Variants in STKLD1 observed in about 807,000 individuals in gnomAD.
STKLD1 encodes the protein serine/threonine kinase like domain containing 1, also known as serine/threonine kinase-like domain-containing protein STKLD1.
STKLD1 carries 79 observed loss-of-function variants against 80.4 expected under a neutral mutation model. The observed-to-expected ratio is 0.98, with a 90% CI of 0.82 to 1.19. The LOEUF (loss-of-function observed/expected upper bound fraction) is 1.19, where lower values mean the gene tolerates loss of function less well. STKLD1 is among the 50% of genes most tolerant of loss of function. The probability of loss-of-function intolerance (pLI) is 0.00; values close to 1 mark genes in which losing one functional copy is unlikely to be tolerated. For missense variants in STKLD1, 841 were observed against 856.0 expected (o/e 0.98, Z 0.22); for synonymous variants, 393 against 357.6 (o/e 1.10, Z -1.12).
At chr9:133,391,870 AGGAC>A (rs1488540634) in intron 7 of STKLD1, among the ~76,000 whole-genome samples, 8 of 151,698 alleles carry the variant, frequency 5.3e-5, no homozygotes, top group Admixed American at 5.2e-4. Context: ...GAAAATGCCC[AGGAC>A]GGAGGGTCTG....
Position 133,403,900 on chromosome 9 carries a change from A to G in STKLD1, c.1604-20A>G. On this transcript the variant is annotated intron_variant, in intron 15 of 17. Coordinates refer to ENST00000371957, the MANE Select transcript of STKLD1 (RefSeq NM_153710.5). ...CCTCATGGCACAGCAGGCACAAGGC[A>G]GCCCGGCCCCTTTCTGCAGGCTGCA... 2 of 1,607,188 alleles carry G rather than the reference A, an allele frequency of 1.2e-6. No homozygotes were observed. The highest frequency in any genetic ancestry group is 1.7e-6 in the Non-Finnish European group (2 of 1,175,886).
intron 11 of STKLD1, among the ~76,000 whole-genome samples, chr9:133,399,077 C>T (rs147398440): frequency 0.012 from 1,868 of 152,308 alleles, 25 homozygotes; most frequent in African/African-American, 0.035. Context: ...TGGTCTCAAA[C>T]GCCTGATCTC....
At chr9:133,396,059 T>TA (rs71503342) in intron 9 of STKLD1, 2,162 of 203,954 alleles carry the variant, frequency 0.011, no homozygotes, top group East Asian at 0.02. Flanking sequence ...TCATTCTACA[T>TA]AAAAAAAAAA....
In STKLD1 at chr9:133,395,710, G is replaced by C. The variant is rs1007951338; in HGVS notation, c.813G>C (p.Arg271Ser). 1.2e-6 allele frequency: 2 copies of C among 1,613,538 alleles called. No homozygotes were observed. The highest frequency in any genetic ancestry group is 1.7e-6 in the Non-Finnish European group (2 of 1,180,022). The change falls in exon 9 of 18, where the codon AGG becomes AGC. Residue 271 changes from arginine (R) to serine (S), a missense_variant. Coordinates refer to ENST00000371957, the MANE Select transcript of STKLD1 (RefSeq NM_153710.5). ...EKQIPDVETF[R>S]NLLPLMLQID... ...AGATCCCGGATGTGGAAACCTTCAGGAATCTTCTGCCCTTGATGCTCCAGA... is the reference window on the plus strand; with the variant it reads ...AGATCCCGGATGTGGAAACCTTCAGCAATCTTCTGCCCTTGATGCTCCAGA...
intron 9 of STKLD1, 134 bp downstream of exon 9, chr9:133,395,897 A>C (rs1554776672): frequency 7.5e-6 from 7 of 929,206 alleles, no homozygotes. Flanking sequence ...TTATCCCTGC[A>C]CAGCTGGGCT....
At chr9:133,403,651 C>T (rs1564385709) in intron 14 of STKLD1, 49 bp from the exon 15 acceptor site, 2 of 1,589,494 alleles carry the variant, frequency 1.3e-6, no homozygotes, top group Non-Finnish European at 8.6e-7. Flanking sequence ...GGCCCCCCTG[C>T]ACACACCCAA....
chr9:133,388,384 A>C (rs1356261698), intron 5 of STKLD1, among the ~76,000 whole-genome samples: 1 of 152,102 alleles, frequency 6.6e-6, no homozygotes, highest in Non-Finnish European at 1.5e-5. Flanking sequence ...AGTAGCTGGG[A>C]CTACAGGTGC....
chr9:133,392,675 G>A, intron 7 of STKLD1, among the ~76,000 whole-genome samples: 1 of 126,284 alleles, frequency 7.9e-6, no homozygotes, highest in Non-Finnish European at 1.6e-5. Context: ...GGGTGGGTGA[G>A]TGGATGGGTG....
intron 16 of STKLD1, among the ~76,000 whole-genome samples, chr9:133,404,560 GACA>G (rs1358312386): frequency 1.3e-5 from 2 of 152,180 alleles, no homozygotes; most frequent in Non-Finnish European, 2.9e-5. Flanking sequence ...TCCCCAGAGT[GACA>G]ACGACCCCTT....
At chr9:133,391,199 C>G (rs1354137327) in intron 7 of STKLD1, among the ~76,000 whole-genome samples, 3 of 149,196 alleles carry the variant, frequency 2.0e-5, no homozygotes, top group Admixed American at 1.3e-4. Context: ...GGGGCTCAGC[C>G]CCCCCGCCCA....
intron 2 of STKLD1, among the ~76,000 whole-genome samples, chr9:133,383,192 G>A (rs2119209965): frequency 6.6e-6 from 1 of 150,694 alleles, no homozygotes; most frequent in East Asian, 2.0e-4. Flanking sequence ...TGATGATGGT[G>A]TGATGGTGAT....
intron 7 of STKLD1, among the ~76,000 whole-genome samples, chr9:133,391,857 A>G (rs1464660641): frequency 1.0e-4 from 15 of 149,426 alleles, no homozygotes; most frequent in African/African-American, 3.5e-4. Flanking sequence ...AAAAAAAAAG[A>G]AAGAAAATGC....
rs587767871 is a variant in STKLD1, at chr9:133,395,487, G to T, written c.703-113G>T. 1.2e-4 allele frequency: 136 copies of T among 1,181,752 alleles called. No individual in the cohort carries two copies. The South Asian group carries it at 2.1e-3, about 18-fold the overall frequency. 73.2% of individuals were successfully genotyped at this position (1,181,752 alleles called of 1,614,324 possible). ...TTCTTGTAGACGGTGGCCACACCTG[G>T]CTCTCCCTGGTCTCCTCCTGGATTT... On this transcript the variant is annotated intron_variant, in intron 8 of 17. Coordinates refer to ENST00000371957, the MANE Select transcript of STKLD1 (RefSeq NM_153710.5).
At position 133,378,450 on chromosome 9, in the gene STKLD1, A is replaced by G. The variant is rs2130257703; in HGVS notation, c.88-586A>G. ...GATTTGGCTCAAATCACAGGCTCTA[A>G]GATCAGACCCCCAGAGTTACCCCAG... On this transcript the variant is annotated intron_variant, in intron 1 of 17. Transcript: ENST00000371957. 3.3e-5 allele frequency among the ~76,000 whole-genome samples: 5 copies of G among 152,346 alleles called. No homozygotes were observed. In the East Asian group the frequency reaches 9.6e-4, roughly 29 times the overall value.
intron 7 of STKLD1, among the ~76,000 whole-genome samples, chr9:133,392,690 G>GGTGAGTGGATGGGTGAGTAT (rs1838435356): frequency 7.9e-6 from 1 of 127,124 alleles, no homozygotes; most frequent in Non-Finnish European, 1.6e-5. Flanking sequence ...TGGGTGAGTA[G>GGTGAGTGGATGGGTGAGTAT]GTGAGTGGAT....
In STKLD1 at chr9:133,394,454, G is replaced by T; in HGVS notation, c.702+45G>T. On this transcript the variant is annotated intron_variant, in intron 8 of 17. Coordinates refer to ENST00000371957, the MANE Select transcript of STKLD1 (RefSeq NM_153710.5). The surrounding 1 kb of genome is among the most constrained non-coding windows in gnomAD (Gnocchi z 4.9). ...CCACACCCCACATGCTGTTCCCCACGCGCCCAGGCCTGGGGAAAAGGCTTG... is the reference window on the plus strand; with the variant it reads ...CCACACCCCACATGCTGTTCCCCACTCGCCCAGGCCTGGGGAAAAGGCTTG... 1 of 1,376,866 alleles carries T rather than the reference G, an allele frequency of 7.3e-7. No individual in the cohort carries two copies. Among genetic ancestry groups the T allele is most frequent in the Non-Finnish European group, 1.0e-6 (1 of 986,020 alleles). 85.3% of individuals were successfully genotyped at this position (1,376,866 alleles called of 1,614,324 possible).
At chr9:133,383,356 A>G (rs1337575546) in intron 2 of STKLD1, among the ~76,000 whole-genome samples, 1 of 75,820 alleles carries the variant, frequency 1.3e-5, no homozygotes, top group African/African-American at 4.9e-5. Flanking sequence ...GATGGTAATG[A>G]TGGTGATGGC....
rs186386536 is a variant in STKLD1, at chr9:133,379,790, C to T, written c.174+668C>T. Among the ~76,000 whole-genome samples, 1,046 of 152,308 alleles carry T rather than the reference C, an allele frequency of 6.9e-3. 11 individuals are homozygous for T. The highest frequency in any genetic ancestry group is 0.024 in the African/African-American group (997 of 41,564). ...AGCTGCTGCAAGAGTCCCTGGCATG[C>T]CCTCCTCTCTGTGGTGGTGGCAGGG... On this transcript the variant is annotated intron_variant, in intron 2 of 17. Coordinates refer to ENST00000371957, the MANE Select transcript of STKLD1 (RefSeq NM_153710.5).
At position 133,397,208 on chromosome 9, in the gene STKLD1, C is replaced by T. The variant is rs782305389; in HGVS notation, c.911C>T (p.Ser304Leu). 2.9e-5 allele frequency: 47 copies of T among 1,613,992 alleles called. No individual in the cohort carries two copies. The highest frequency in any genetic ancestry group is 6.7e-5 in the East Asian group (3 of 44,878). The stretch of plus-strand genomic sequence containing the variant: ...TTCTTGAGAGGCTCCTTCAAGTCCT[C>T]GTGCGTCTCTCTGACCCTGCACCGG... ...ITFLRGSFKS[S>L]CVSLTLHRQM... Residue 304 changes from serine to leucine, a missense_variant, in exon 10 of 18, where the codon TCG (serine) becomes TTG (leucine). Coordinates refer to ENST00000371957, the MANE Select transcript of STKLD1 (RefSeq NM_153710.5).
Sources: gnomAD v4.1 joint callset for allele counts (sites outside exome capture counted in the v4.1 genomes callset) on GRCh38, gnomAD v4.1.1 for gene constraint, Gnocchi (gnomAD v3.1) non-coding constraint, MANE v1.5 for transcripts, NCBI Gene and HGNC (gene_info 2026-07-23, HGNC 2026-07-21) for gene names.